Variants in TLK1 observed in about 807,000 individuals in gnomAD.
TLK1 encodes the protein tousled like kinase 1.
In TLK1, 24 loss-of-function variants were observed where a neutral mutation model predicts 105.3. The ratio of observed to expected loss-of-function variants is 0.23; its 90% CI spans 0.17 to 0.32. TLK1 has a LOEUF of 0.32. Among genes scored for constraint, TLK1 ranks in the 10% least tolerant of loss-of-function variants. TLK1 has a pLI of 1.00. For synonymous variants in TLK1, 321 were observed against 310.4 expected, an observed-to-expected ratio of 1.03 and a Z score of -0.36; for missense variants, 558 against 910.5, an observed-to-expected ratio of 0.61 and a Z score of 4.98.
chr2:171,188,943 A>G (rs1488395344), intron 1 of TLK1, among the ~76,000 whole-genome samples: 1 of 152,000 alleles, frequency 6.6e-6, no homozygotes, highest in African/African-American at 2.4e-5. Flanking sequence ...TCCATGGCAT[A>G]CAAAGACATT....
At chr2:171,034,572 G>C (rs1024827521) in intron 11 of TLK1, among the ~76,000 whole-genome samples, 2 of 152,170 alleles carry the variant, frequency 1.3e-5, no homozygotes, top group African/African-American at 4.8e-5. Flanking sequence ...TTTGCTACTG[G>C]AGGTGAGAAG....
Position 170,996,764 on chromosome 2 carries a change from A to G in TLK1, c.2017-4T>C. 1 of 1,469,872 alleles carries G rather than the reference A, an allele frequency of 6.8e-7. No homozygotes were observed. 91.1% of individuals were successfully genotyped at this position (1,469,872 alleles called of 1,614,324 possible). On this transcript the variant is annotated splice_region_variant and splice_polypyrimidine_tract_variant and intron_variant, in intron 19 of 20. Coordinates refer to ENST00000431350, the MANE Select transcript of TLK1 (RefSeq NM_012290.5). ...GAGATTGATTGTGACCAAATGGCTT[A>G]AAAAAAAAATTAAATGTTGAGATAC...
chr2:171,024,940 G>A (rs1685704692), intron 12 of TLK1, among the ~76,000 whole-genome samples: 1 of 150,030 alleles, frequency 6.7e-6, no homozygotes, highest in Non-Finnish European at 1.5e-5. Flanking sequence ...TTAGATAAAA[G>A]AATTCTTGAT....
upstream of TLK1, among the ~76,000 whole-genome samples, chr2:171,164,244 A>G (rs1465979910): frequency 3.9e-5 from 6 of 152,242 alleles, no homozygotes; most frequent in East Asian, 1.2e-3. Flanking sequence ...ATGGGGAGTT[A>G]TTTAAACAAA....
intron 1 of TLK1, among the ~76,000 whole-genome samples, chr2:171,227,869 T>C (rs891501171): frequency 5.9e-5 from 9 of 152,030 alleles, no homozygotes; most frequent in Admixed American, 6.6e-5. Context: ...TAACTCTTGT[T>C]AGTATAGTTA....
At chr2:171,103,064 G>A (rs1439299979) in intron 2 of TLK1, among the ~76,000 whole-genome samples, 1 of 152,028 alleles carries the variant, frequency 6.6e-6, no homozygotes, top group Non-Finnish European at 1.5e-5. Context: ...AAGTGTGTTT[G>A]AGGCAAGTGG....
At chr2:171,169,815 T>G (rs139636733) in intron 1 of TLK1, among the ~76,000 whole-genome samples, 5 of 152,194 alleles carry the variant, frequency 3.3e-5, no homozygotes, top group Non-Finnish European at 5.9e-5. Context: ...AAACGTTTGG[T>G]GCCTTCTTTT....
chr2:171,135,080 G>A (rs1003116074), intron 1 of TLK1, among the ~76,000 whole-genome samples: 1 of 152,120 alleles, frequency 6.6e-6, no homozygotes, highest in Non-Finnish European at 1.5e-5. Flanking sequence ...GGGGCTGGGA[G>A]AAATGAGGAA....
At chr2:171,113,272 CT>C (rs767944584) in intron 2 of TLK1, among the ~76,000 whole-genome samples, 316 of 141,454 alleles carry the variant, frequency 2.2e-3, no homozygotes, top group Middle Eastern at 3.6e-3. Context: ...CATACATATC[CT>C]TTTTTTTTTT....
chr2:171,013,723 C>T (rs1339710719), intron 13 of TLK1, among the ~76,000 whole-genome samples: 1 of 152,142 alleles, frequency 6.6e-6, no homozygotes, highest in African/African-American at 2.4e-5. Context: ...CACAAGAAGA[C>T]CTTTCTAAGC....
intron 1 of TLK1, among the ~76,000 whole-genome samples, chr2:171,139,229 T>C (rs1221047108): frequency 2.0e-5 from 3 of 152,202 alleles, no homozygotes; most frequent in Non-Finnish European, 2.9e-5. Context: ...AAATATATTG[T>C]AATGCTCTGA....
intron 1 of TLK1, among the ~76,000 whole-genome samples, chr2:171,141,168 G>A (rs1231367527): frequency 6.6e-6 from 1 of 152,190 alleles, no homozygotes; most frequent in Non-Finnish European, 1.5e-5. Flanking sequence ...GAGGAAAGAA[G>A]ATGACAAGAC....
chr2:171,154,906 A>C (rs1428507418), intron 1 of TLK1, among the ~76,000 whole-genome samples: 1 of 152,182 alleles, frequency 6.6e-6, no homozygotes, highest in African/African-American at 2.4e-5. Flanking sequence ...AGTTATGAGA[A>C]TTTATGCTTA....
Position 170,990,980 on chromosome 2 carries a change from T to G in TLK1, c.*2800A>C, listed in dbSNP as rs1185119064. ...TGCCATTTAAACTGACAGAGTTGTT[T>G]TAGAAGGAGATGGTAGTGAGTGTTT... On this transcript the variant is annotated 3_prime_UTR_variant, in exon 21 of 21. Transcript: ENST00000431350. The G allele has an allele frequency of 6.6e-6, 1 of 151,802 alleles. No homozygotes were observed. The highest frequency in any genetic ancestry group is 1.5e-5 in the Non-Finnish European group (1 of 67,964). 9.4% of individuals were successfully genotyped at this position (151,802 alleles called of 1,614,324 possible).
At chr2:171,154,979 T>C (rs1355474857) in intron 1 of TLK1, among the ~76,000 whole-genome samples, 1 of 152,208 alleles carries the variant, frequency 6.6e-6, no homozygotes, top group Admixed American at 6.5e-5. Context: ...AATTAAAATA[T>C]GAATTGTTAT....
At chr2:171,153,417 G>C (rs1310000265) in intron 1 of TLK1, among the ~76,000 whole-genome samples, 2 of 152,062 alleles carry the variant, frequency 1.3e-5, no homozygotes, top group Non-Finnish European at 2.9e-5. Flanking sequence ...CATCTTCCTG[G>C]GTCTGAAATA....
chr2:171,135,599 G>A (rs775322595), intron 1 of TLK1, among the ~76,000 whole-genome samples: 1 of 151,980 alleles, frequency 6.6e-6, no homozygotes, highest in East Asian at 1.9e-4. Context: ...TCAGGAGTTC[G>A]AGACCATCCT....
At chr2:171,229,132 T>A (rs1487877574) in intron 1 of TLK1, among the ~76,000 whole-genome samples, 1 of 152,224 alleles carries the variant, frequency 6.6e-6, no homozygotes, top group African/African-American at 2.4e-5. Context: ...CGTCACATGT[T>A]CTTTTCCAGG....
chr2:171,129,880 C>T (rs139104441), intron 1 of TLK1, among the ~76,000 whole-genome samples: 18 of 150,732 alleles, frequency 1.2e-4, no homozygotes, highest in African/African-American at 4.2e-4. Flanking sequence ...CATAACATAA[C>T]ATAACATGGG....
Sources: gnomAD v4.1 joint callset for allele counts (sites outside exome capture counted in the v4.1 genomes callset) on GRCh38, gnomAD v4.1.1 for gene constraint, MANE v1.5 for transcripts, NCBI Gene and HGNC (gene_info 2026-07-23, HGNC 2026-07-21) for gene names.